The following ANO3 variants were observed in gnomAD, a reference collection of about 807,000 sequenced individuals.
ANO3 encodes anoctamin-3.
A neutral mutation model predicts 144.8 loss-of-function variants in ANO3; 99 were observed. That is an observed-to-expected ratio of 0.68 (90% CI 0.58 to 0.81). The LOEUF (loss-of-function observed/expected upper bound fraction) is 0.81. Ranked by LOEUF, ANO3 falls within the 30% of genes least tolerant of loss-of-function variation. The pLI is 0.00. For missense variants in ANO3, 905 were observed against 1,202.2 expected (o/e 0.75, Z 3.66); for synonymous variants, 414 against 392.6 (o/e 1.05, Z -0.64).
At chr11:26,529,616 C>T (rs1849314640) in intron 7 of ANO3, among the ~76,000 whole-genome samples, 1 of 148,448 alleles carries the variant, frequency 6.7e-6, no homozygotes. Context: ...TAACACTCCT[C>T]TAGGAAAATA....
intron 14 of ANO3, among the ~76,000 whole-genome samples, chr11:26,594,345 C>G (rs960359350): frequency 1.1e-4 from 16 of 152,184 alleles, no homozygotes; most frequent in Non-Finnish European, 2.2e-4. Context: ...CAGAGATCAC[C>G]AAACTCTCGG....
chr11:26,523,540 T>C (rs12295627), intron 6 of ANO3, among the ~76,000 whole-genome samples: 9,874 of 152,220 alleles, frequency 0.065, 446 homozygotes, highest in African/African-American at 0.12. Context: ...TTCTAAAGAA[T>C]TCATATACAT....
intron 11 of ANO3, among the ~76,000 whole-genome samples, chr11:26,547,122 G>T (rs1271302860): frequency 6.6e-6 from 1 of 151,686 alleles, no homozygotes; most frequent in Non-Finnish European, 1.5e-5. Flanking sequence ...AAATGAAAAG[G>T]GATGCTAGTA....
At chr11:26,647,268 T>G (rs1008556132) in intron 23 of ANO3, among the ~76,000 whole-genome samples, 1 of 152,220 alleles carries the variant, frequency 6.6e-6, no homozygotes, top group African/African-American at 2.4e-5. Flanking sequence ...TTGCTTTTTT[T>G]GTATTTTTAC....
chr11:26,400,333 T>A (rs1295381623), intron 1 of ANO3, among the ~76,000 whole-genome samples: 1 of 152,034 alleles, frequency 6.6e-6, no homozygotes, highest in Non-Finnish European at 1.5e-5. Flanking sequence ...ATAAGGCAGG[T>A]CCCTGTGTAT....
intron 1 of ANO3, among the ~76,000 whole-genome samples, chr11:26,421,866 G>A (rs182416066): frequency 2.0e-5 from 3 of 152,188 alleles, no homozygotes; most frequent in Admixed American, 2.0e-4. Flanking sequence ...AATATCGCAT[G>A]TTCTCACTTT....
At chr11:26,364,561 G>A (rs1246569693) in intron 1 of ANO3, among the ~76,000 whole-genome samples, 1 of 152,162 alleles carries the variant, frequency 6.6e-6, no homozygotes, top group Non-Finnish European at 1.5e-5. Context: ...AGGCCTAAGG[G>A]AGCTTTCAAT....
intron 1 of ANO3, among the ~76,000 whole-genome samples, chr11:26,194,873 T>C (rs969775264): frequency 1.3e-5 from 2 of 152,152 alleles, no homozygotes; most frequent in South Asian, 2.1e-4. Flanking sequence ...GCCATGTATA[T>C]ATATTTATGT....
chr11:26,189,873 C>G (rs1851442474), intron 1 of ANO3, among the ~76,000 whole-genome samples: 1 of 151,924 alleles, frequency 6.6e-6, no homozygotes, highest in Non-Finnish European at 1.5e-5. Flanking sequence ...AATTTTAAAC[C>G]TTTGAGTGTT....
chr11:26,409,916 C>T (rs548952621), intron 1 of ANO3, among the ~76,000 whole-genome samples: 9 of 152,052 alleles, frequency 5.9e-5, no homozygotes, highest in African/African-American at 1.9e-4. Flanking sequence ...ATTCCTATAT[C>T]TCATTGATAG....
chr11:26,366,361 A>G (rs1856084572), intron 1 of ANO3, among the ~76,000 whole-genome samples: 1 of 152,136 alleles, frequency 6.6e-6, no homozygotes, highest in Admixed American at 6.5e-5. Context: ...TCCATGGTGT[A>G]TATGTGCCAC....
At chr11:26,254,655 T>C (rs761674082) in intron 1 of ANO3, among the ~76,000 whole-genome samples, 2 of 152,148 alleles carry the variant, frequency 1.3e-5, no homozygotes, top group African/African-American at 2.4e-5. Context: ...AAATATCAAC[T>C]TGAGACATGA....
intron 4 of ANO3, among the ~76,000 whole-genome samples, chr11:26,506,546 G>C (rs776627858): frequency 4.6e-5 from 7 of 152,208 alleles, no homozygotes; most frequent in Non-Finnish European, 8.8e-5. Flanking sequence ...ACTGGTGTTA[G>C]TCACTTAGTC....
chr11:26,370,212 C>T (rs895735004), intron 1 of ANO3, among the ~76,000 whole-genome samples: 2 of 152,092 alleles, frequency 1.3e-5, no homozygotes, highest in African/African-American at 4.8e-5. Flanking sequence ...ATGCTATTCT[C>T]CTGATAGTAA....
chr11:26,535,198 A>C (rs1035466653), intron 9 of ANO3, among the ~76,000 whole-genome samples: 1 of 152,204 alleles, frequency 6.6e-6, no homozygotes. Flanking sequence ...AATATGTAAG[A>C]AACTTTTTAG....
chr11:26,595,474 T>G (rs959364819), intron 14 of ANO3, among the ~76,000 whole-genome samples: 6 of 146,546 alleles, frequency 4.1e-5, no homozygotes, highest in East Asian at 3.9e-4. Flanking sequence ...TTTTTTTTTT[T>G]TTTTTTTTTT....
intron 1 of ANO3, among the ~76,000 whole-genome samples, chr11:26,433,605 G>A (rs547737538): frequency 6.6e-6 from 1 of 152,190 alleles, no homozygotes; most frequent in East Asian, 1.9e-4. Context: ...TTAACATGAA[G>A]GAATATTGAA....
At chr11:26,654,748 C>T (rs1853632287) in intron 24 of ANO3, among the ~76,000 whole-genome samples, 1 of 152,098 alleles carries the variant, frequency 6.6e-6, no homozygotes, top group South Asian at 2.1e-4. Flanking sequence ...TGTAGATATT[C>T]TTCATCACAT....
At chr11:26,200,052 C>T (rs761942030) in intron 1 of ANO3, among the ~76,000 whole-genome samples, 5 of 151,962 alleles carry the variant, frequency 3.3e-5, no homozygotes, top group South Asian at 2.1e-4. Context: ...TATGAGGCTT[C>T]GAACTGAAAC....
Sources: gnomAD v4.1 joint callset for allele counts (sites outside exome capture counted in the v4.1 genomes callset) on GRCh38, gnomAD v4.1.1 for gene constraint, MANE v1.5 for transcripts, NCBI Gene and HGNC (gene_info 2026-07-23, HGNC 2026-07-21) for gene names.